FGD6: variants seen among roughly 807,000 people sequenced by gnomAD.
FGD6 encodes the protein FYVE, RhoGEF and PH domain-containing protein 6.
In FGD6, 90 loss-of-function variants were observed where a neutral mutation model predicts 149.4. The observed-to-expected ratio is 0.60, with a 90% CI of 0.51 to 0.72. FGD6 has a LOEUF of 0.72. Ranked by LOEUF, FGD6 falls within the 30% of genes least tolerant of loss-of-function variation. The probability of loss-of-function intolerance (pLI) is 0.00; values close to 1 mark genes in which losing one functional copy is unlikely to be tolerated. For synonymous variants in FGD6, 527 were observed against 584.0 expected, an observed-to-expected ratio of 0.90 and a Z score of 1.41; for missense variants, 1,437 against 1,684.8, an observed-to-expected ratio of 0.85 and a Z score of 2.57.
intron 2 of FGD6, among the ~76,000 whole-genome samples, chr12:95,177,151 A>G (rs561571833): frequency 6.6e-6 from 1 of 152,328 alleles, no homozygotes; most frequent in South Asian, 2.1e-4. Flanking sequence ...TAAAAATACT[A>G]AATCCATTTC....
rs1405852032 is a variant in FGD6, at chr12:95,210,051, A to G, written c.1233T>C (p.Phe411=). The G allele has an allele frequency of 6.2e-7, 1 of 1,613,666 alleles. No homozygotes were observed. ...TATCAAAAGAAGGTGCCATTTTTTC[A>G]AAGGAAGTTGTTTCATTACACATGG... ...QKAMCNETTS[F]EKMAPSFDKD... is the part of the protein sequence containing the mutation. The change falls in exon 2 of 21, where the codon TTT becomes TTC. Residue 411 remains phenylalanine (F), a synonymous_variant. Coordinates refer to ENST00000343958, the MANE Select transcript of FGD6 (RefSeq NM_018351.4).
chr12:95,197,402 C>T (rs1881759593), intron 2 of FGD6, among the ~76,000 whole-genome samples: 1 of 152,140 alleles, frequency 6.6e-6, no homozygotes. Context: ...CACTGCACTA[C>T]AGCCTGGGCA....
At chr12:95,150,036 T>C (rs1051636553) in intron 5 of FGD6, among the ~76,000 whole-genome samples, 2 of 120,648 alleles carry the variant, frequency 1.7e-5, no homozygotes, top group African/African-American at 6.1e-5. Flanking sequence ...ACACACACTT[T>C]TTTTTTTTGA....
chr12:95,126,015 TG>T, intron 8 of FGD6: 1 of 1,350,772 alleles, frequency 7.4e-7, no homozygotes. Context: ...CAATACAAAA[TG>T]GGCAGCCACA....
intron 2 of FGD6, among the ~76,000 whole-genome samples, chr12:95,175,104 G>GA (rs1881098157): frequency 6.6e-6 from 1 of 152,002 alleles, no homozygotes; most frequent in Admixed American, 6.6e-5. Flanking sequence ...CTGAAAACAA[G>GA]AAAAAAGCTT....
chr12:95,126,235 A>G, intron 8 of FGD6: 1 of 1,272,902 alleles, frequency 7.9e-7, no homozygotes, highest in Non-Finnish European at 1.1e-6. Flanking sequence ...TTTCCAGCAA[A>G]AAAGATGACC....
rs773802762 is a variant in FGD6 at position 95,210,661 on chromosome 12, A to G, written c.623T>C (p.Met208Thr). 43 of 1,614,068 alleles carry G rather than the reference A, an allele frequency of 2.7e-5. No homozygotes were observed. Among genetic ancestry groups the G allele is most frequent in the Non-Finnish European group, 3.1e-5 (36 of 1,180,042 alleles). Residue 208 changes from methionine to threonine, a missense_variant, in exon 2 of 21, where the codon ATG becomes ACG. By Grantham distance (81) the Met-to-Thr change is moderately conservative (BLOSUM62 -1). Around this residue, in one of 2 missense-constraint regions of FGD6, gnomAD observed 1,055 missense variants for 1,146.0 expected, o/e 0.92. Coordinates refer to ENST00000343958, the MANE Select transcript of FGD6 (RefSeq NM_018351.4). ...QKHRPTDSPE[M>T]NGGCNSNGQF... ...TCCATTTGAATTACAGCCACCATTC[A>G]TTTCTGGGCTGTCTGTGGGCCTGTG...
chr12:95,137,683 G>A lies in FGD6; in HGVS notation c.2838-5C>T, dbSNP rs565589237. The A allele has an allele frequency of 6.4e-7, 1 of 1,558,788 alleles. No homozygotes were observed. The highest frequency in any genetic ancestry group is 1.2e-5 in the South Asian group (1 of 81,886). On this transcript the variant is annotated splice_region_variant and splice_polypyrimidine_tract_variant and intron_variant, in intron 6 of 20. Transcript: ENST00000343958. The stretch of plus-strand genomic sequence containing the variant: ...GCAATTCTTTGTTGTTCAGTCCTAT[G>A]GATAGAGAAGAGATACACAAAAAAA...
At chr12:95,109,522 CTGA>C (rs1346390822) in intron 9 of FGD6, among the ~76,000 whole-genome samples, 2 of 151,940 alleles carry the variant, frequency 1.3e-5, no homozygotes, top group East Asian at 3.9e-4. Flanking sequence ...GCATCTCCTC[CTGA>C]GGCTGCTGTG....
rs978175556 is a variant in FGD6, at chr12:95,079,851, G to A, written c.*1669C>T. ...CAGTAATCCTCATGGTTGCTGTTAAGGATCACACTGAATTAGGAAATCCTT... is the reference window on the plus strand; with the variant it reads ...CAGTAATCCTCATGGTTGCTGTTAAAGATCACACTGAATTAGGAAATCCTT... On this transcript the variant is annotated 3_prime_UTR_variant, in exon 21 of 21. Coordinates refer to ENST00000343958, the MANE Select transcript of FGD6 (RefSeq NM_018351.4). 6.6e-6 allele frequency: 1 copy of A among 151,840 alleles called. No individual in the cohort carries two copies. Among genetic ancestry groups the A allele is most frequent in the African/African-American group, 2.4e-5 (1 of 41,318 alleles). The allele number at this position is 151,840 out of a possible 1,614,324, so 9.4% of individuals were successfully genotyped here.
chr12:95,197,529 C>T (rs1881762904), intron 2 of FGD6, among the ~76,000 whole-genome samples: 1 of 152,184 alleles, frequency 6.6e-6, no homozygotes. Context: ...GAACATATCA[C>T]CTGCGTCTTT....
chr12:95,151,241 G>T (rs938994736), intron 5 of FGD6, among the ~76,000 whole-genome samples: 1 of 152,074 alleles, frequency 6.6e-6, no homozygotes, highest in Non-Finnish European at 1.5e-5. Context: ...CAAAGCTACA[G>T]ATTTTTCACA....
In FGD6 at chr12:95,209,444, A is replaced by C; in HGVS notation, c.1840T>G (p.Cys614Gly). 2 of 1,612,598 alleles carry C rather than the reference A, an allele frequency of 1.2e-6. No homozygotes were observed. Among genetic ancestry groups the C allele is most frequent in the Non-Finnish European group, 8.5e-7 (1 of 1,179,166 alleles). Reference sequence around the variant, plus strand: ...GTAGAGTCTTTGCAAGGCTTAGTGCACTTTTCCACATCCATAGCAGATAAC... The same window carrying C: ...GTAGAGTCTTTGCAAGGCTTAGTGCCCTTTTCCACATCCATAGCAGATAAC... The part of the protein sequence containing the change: ...KSLSAMDVEK[C>G]TKPCKDSTKK... Residue 614 changes from cysteine to glycine, a missense_variant, in exon 2 of 21, where the codon TGC becomes GGC. Coordinates refer to ENST00000343958, the MANE Select transcript of FGD6 (RefSeq NM_018351.4).
intron 1 of FGD6, among the ~76,000 whole-genome samples, chr12:95,213,369 A>G (rs558342560): frequency 5.3e-5 from 8 of 152,292 alleles, no homozygotes; most frequent in Admixed American, 5.2e-4. Flanking sequence ...GCTTGAGCTC[A>G]GGAATTGGAG....
intron 2 of FGD6, among the ~76,000 whole-genome samples, chr12:95,194,269 CTT>C (rs1273191553): frequency 1.3e-5 from 2 of 151,594 alleles, no homozygotes; most frequent in Non-Finnish European, 2.9e-5. Flanking sequence ...GAGTTTCACT[CTT>C]GTTGCCCAGG....
rs1158391626 is a variant in FGD6 at position 95,141,472 on chromosome 12, A to G, written c.2753T>C (p.Leu918Pro). 1 of 1,614,054 alleles carries G rather than the reference A, an allele frequency of 6.2e-7. No individual in the cohort carries two copies. The highest frequency in any genetic ancestry group is 8.5e-7 in the Non-Finnish European group (1 of 1,180,022). The change falls in exon 6 of 21, where the codon CTA becomes CCA. Residue 918 changes from leucine to proline, a missense_variant. Leu to Pro is a moderately conservative substitution (Grantham distance 98). This residue lies in a region of FGD6 where 1,055 missense variants were observed against 1,146.0 expected (regional missense o/e 0.92). Transcript: ENST00000343958. ...AGGCAAGTAGTATAGGATCTGATTT[A>G]GAATCCGGTCCTCAATCACTGGTTT... is the stretch of plus-strand genomic sequence containing the variant. ...LGKPVIEDRILNQILYYLPQL... is the reference protein window; with the variant it reads ...LGKPVIEDRIPNQILYYLPQL...
chr12:95,172,046 G>GGT (rs562514503), intron 3 of FGD6, among the ~76,000 whole-genome samples: 54,079 of 136,444 alleles, frequency 0.4, 11,806 homozygotes, highest in African/African-American at 0.49. Context: ...GGGGGGGGGG[G>GGT]TTGTTATCAA....
At chr12:95,150,315 C>T (rs561419516) in intron 5 of FGD6, among the ~76,000 whole-genome samples, 1 of 152,218 alleles carries the variant, frequency 6.6e-6, no homozygotes, top group East Asian at 1.9e-4. Context: ...GCATGAGCCA[C>T]CGTACCCGGC....
intron 6 of FGD6, among the ~76,000 whole-genome samples, chr12:95,140,143 G>A (rs1327731077): frequency 2.0e-5 from 3 of 152,106 alleles, no homozygotes; most frequent in Admixed American, 1.3e-4. Context: ...GAAAGTAGGT[G>A]ATACTATTTT....
Sources: gnomAD v4.1 joint callset for allele counts (sites outside exome capture counted in the v4.1 genomes callset) on GRCh38, gnomAD v4.1.1 for gene constraint, gnomAD v4.1.1 regional missense constraint, MANE v1.5 for transcripts, NCBI Gene and HGNC (gene_info 2026-07-23, HGNC 2026-07-21) for gene names.